The following BRD10 variants were observed in gnomAD, a reference collection of about 807,000 sequenced individuals.
The protein encoded by BRD10 is uncharacterized bromodomain-containing protein 10.
At chr9:5,960,574 A>AG in the BRD10 span, among the ~76,000 whole-genome samples, 1 of 151,886 alleles carries the variant, frequency 6.6e-6, no homozygotes, top group African/African-American at 2.4e-5. Flanking sequence ...AAAAAAAAAA[A>AG]AAAGAAAAGA....
the BRD10 span, among the ~76,000 whole-genome samples, chr9:5,889,377 C>T: frequency 1.3e-4 from 20 of 152,338 alleles, no homozygotes; most frequent in Non-Finnish European, 2.8e-4. Context: ...GCAGAAAATG[C>T]TTTCCAAGAG....
chr9:5,985,766 C>A, the BRD10 span, among the ~76,000 whole-genome samples: 1 of 146,342 alleles, frequency 6.8e-6, no homozygotes, highest in Non-Finnish European at 1.5e-5. Context: ...GCCTGGGCAA[C>A]AACAGCAAAA....
At chr9:5,880,123 G>A in the BRD10 span, among the ~76,000 whole-genome samples, 1 of 151,794 alleles carries the variant, frequency 6.6e-6, no homozygotes, top group Admixed American at 6.6e-5. Context: ...GTTTCACCAT[G>A]TTGGCCAGGC....
At chr9:6,003,010 C>T in the BRD10 span, among the ~76,000 whole-genome samples, 11 of 152,114 alleles carry the variant, frequency 7.2e-5, no homozygotes, top group African/African-American at 2.4e-4. Flanking sequence ...TTACCCCAAT[C>T]CAAAAAATAT....
At chr9:5,916,617 CT>C in the BRD10 span, among the ~76,000 whole-genome samples, 1,140 of 151,152 alleles carry the variant, frequency 7.5e-3, 17 homozygotes, top group African/African-American at 0.027. Context: ...AAAGGAAAAA[CT>C]TTTTGTGAGG....
At chr9:5,890,606 T>A in the BRD10 span, among the ~76,000 whole-genome samples, 6 of 152,148 alleles carry the variant, frequency 3.9e-5, no homozygotes, top group African/African-American at 4.8e-5. Flanking sequence ...GAATTTTAAA[T>A]CATTATAACT....
chr9:5,897,260 C>T, the BRD10 span, among the ~76,000 whole-genome samples: 1 of 152,312 alleles, frequency 6.6e-6, no homozygotes, highest in East Asian at 1.9e-4. Context: ...ATACATTGTC[C>T]ACATAAAGAC....
chr9:5,918,111 G>A, the BRD10 span, among the ~76,000 whole-genome samples: 1 of 152,152 alleles, frequency 6.6e-6, no homozygotes, highest in Non-Finnish European at 1.5e-5. Context: ...AGAAAAACGG[G>A]GAGAGTGACT....
At chr9:5,966,038 T>C in the BRD10 span, among the ~76,000 whole-genome samples, 167 of 152,316 alleles carry the variant, frequency 1.1e-3, 1 homozygote, top group African/African-American at 3.9e-3. Context: ...CAGACAAAAC[T>C]GCATCTACCA....
the BRD10 span, among the ~76,000 whole-genome samples, chr9:5,894,108 C>T: frequency 6.6e-6 from 1 of 152,052 alleles, no homozygotes; most frequent in Non-Finnish European, 1.5e-5. This position sits in a 1 kb window ranked among gnomAD's most constrained non-coding sequence, Gnocchi z 4.0. Context: ...CAATCCCATC[C>T]GACGAGAGGC....
At chr9:5,991,323 T>A in the BRD10 span, among the ~76,000 whole-genome samples, 2 of 152,234 alleles carry the variant, frequency 1.3e-5, no homozygotes, top group East Asian at 3.9e-4. Context: ...ACGCATGAGT[T>A]CAAACTCTCA....
At chr9:5,923,248 T>C in the BRD10 span, 4 of 1,613,656 alleles carry the variant, frequency 2.5e-6, no homozygotes, top group Admixed American at 5.0e-5. Context: ...TTGAAGGCAA[T>C]TCCTTTTTCA....
the BRD10 span, among the ~76,000 whole-genome samples, chr9:5,895,095 A>G: frequency 2.0e-5 from 3 of 152,182 alleles, no homozygotes; most frequent in African/African-American, 4.8e-5. Context: ...CGTGGGAGCT[A>G]TCCTTTAAAG....
At chr9:5,931,094 T>A in the BRD10 span, among the ~76,000 whole-genome samples, 183 of 152,272 alleles carry the variant, frequency 1.2e-3, 2 homozygotes, top group African/African-American at 4.3e-3. Flanking sequence ...GGAAAACTGT[T>A]CAAAGGCTAG....
the BRD10 span, among the ~76,000 whole-genome samples, chr9:5,916,588 T>TATATAACAC: frequency 8.1e-6 from 1 of 123,256 alleles, no homozygotes; most frequent in South Asian, 2.9e-4. Context: ...ATATATAACA[T>TATATAACAC]ATATATAAAA....
At chr9:5,952,059 TGC>T in the BRD10 span, among the ~76,000 whole-genome samples, 1 of 148,582 alleles carries the variant, frequency 6.7e-6, no homozygotes, top group Non-Finnish European at 1.5e-5. Context: ...TTTCCCTCAT[TGC>T]CCAGCCTGGA....
At chr9:5,996,344 C>A in the BRD10 span, among the ~76,000 whole-genome samples, 3 of 151,698 alleles carry the variant, frequency 2.0e-5, no homozygotes, top group South Asian at 2.1e-4. Flanking sequence ...TTTGAGACAA[C>A]GTCTTACTCT....
chr9:6,007,305 G>T, the BRD10 span: 6 of 1,613,848 alleles, frequency 3.7e-6, no homozygotes, highest in Non-Finnish European at 5.1e-6. Flanking sequence ...GCATCAACCT[G>T]AAGTCCGCCA....
the BRD10 span, chr9:5,908,564 C>G: frequency 8.1e-7 from 1 of 1,232,194 alleles, no homozygotes; most frequent in Non-Finnish European, 1.2e-6. Flanking sequence ...AATATGTTAA[C>G]TATTTTAACT....
Sources: gnomAD v4.1 joint callset for allele counts (sites outside exome capture counted in the v4.1 genomes callset) on GRCh38, gnomAD v4.1.1 for gene constraint, Gnocchi (gnomAD v3.1) non-coding constraint, MANE v1.5 for transcripts, NCBI Gene and HGNC (gene_info 2026-07-23, HGNC 2026-07-21) for gene names.